ELOVL5: variants seen among roughly 807,000 people sequenced by gnomAD.
ELOVL5 encodes the protein ELOVL fatty acid elongase 5, also known as very long chain fatty acid elongase 5.
A neutral mutation model predicts 38.6 loss-of-function variants in ELOVL5; 8 were observed. The ratio of observed to expected loss-of-function variants is 0.21; its 90% CI spans 0.12 to 0.37. The LOEUF (loss-of-function observed/expected upper bound fraction) is 0.37. Among genes scored for constraint, ELOVL5 ranks in the 10% least tolerant of loss-of-function variants. The probability of loss-of-function intolerance (pLI) is 1.00; values close to 1 mark genes in which losing one functional copy is unlikely to be tolerated. For synonymous variants in ELOVL5, 127 were observed against 133.7 expected, an observed-to-expected ratio of 0.95 and a Z score of 0.34; for missense variants, 280 against 367.8, an observed-to-expected ratio of 0.76 and a Z score of 1.95.
rs145130782 is a variant in ELOVL5 at position 53,313,939 on chromosome 6, G to A, written c.-8-18232C>T. 1.7e-3 allele frequency among the ~76,000 whole-genome samples: 257 copies of A among 152,284 alleles called. 2 individuals carry two copies. The highest frequency in any genetic ancestry group is 5.9e-3 in the African/African-American group (247 of 41,566). On this transcript the variant is annotated intron_variant, in intron 1 of 7. Coordinates refer to ENST00000304434, the MANE Select transcript of ELOVL5 (RefSeq NM_021814.5). Reference sequence around the variant, plus strand: ...AGCAAAGAGCTGTTCAACCCCCACAGCTCTTCAGAGCACAGTGGATGTTTC... The same window carrying A: ...AGCAAAGAGCTGTTCAACCCCCACAACTCTTCAGAGCACAGTGGATGTTTC...
rs1346305636 is a variant in ELOVL5, at chr6:53,268,284, C to A, written c.*843G>T. 6.6e-6 allele frequency: 1 copy of A among 152,158 alleles called. No homozygotes were observed. Among genetic ancestry groups the A allele is most frequent in the East Asian group, 1.9e-4 (1 of 5,198 alleles). The allele number at this position is 152,158 out of a possible 1,614,324, so 9.4% of individuals were successfully genotyped here. On this transcript the variant is annotated 3_prime_UTR_variant, in exon 8 of 8. Transcript: ENST00000304434. The stretch of plus-strand genomic sequence containing the variant: ...CATCCTCTCTCGCACTGGTGGAAAG[C>A]AAAATTGACTTTTTGTTTGCTGTAT...
intron 1 of ELOVL5, among the ~76,000 whole-genome samples, chr6:53,312,266 T>G (rs980290198): frequency 1.3e-5 from 2 of 152,204 alleles, no homozygotes; most frequent in African/African-American, 4.8e-5. Context: ...CACAGCAGCT[T>G]TATTCTAGCT....
At chr6:53,342,354 A>T (rs1181566005) in intron 1 of ELOVL5, among the ~76,000 whole-genome samples, 1 of 152,224 alleles carries the variant, frequency 6.6e-6, no homozygotes, top group Non-Finnish European at 1.5e-5. Context: ...AGAAATTCAT[A>T]ACACTCACTT....
At chr6:53,274,811 C>A (rs185634629) in intron 5 of ELOVL5, among the ~76,000 whole-genome samples, 9 of 152,312 alleles carry the variant, frequency 5.9e-5, no homozygotes, top group Admixed American at 5.9e-4. Flanking sequence ...CCAGAAAGAA[C>A]CTGGAAAGTT....
chr6:53,313,949 G>A (rs1054265927), intron 1 of ELOVL5, among the ~76,000 whole-genome samples: 4 of 152,188 alleles, frequency 2.6e-5, no homozygotes. Context: ...GCTCTTCAGA[G>A]CACAGTGGAT....
At chr6:53,312,091 C>T (rs1181436370) in intron 1 of ELOVL5, among the ~76,000 whole-genome samples, 1 of 152,084 alleles carries the variant, frequency 6.6e-6, no homozygotes, top group African/African-American at 2.4e-5. Flanking sequence ...CTAGAAGTAA[C>T]CTTCTAGATG....
chr6:53,276,935 C>G (rs1379250858), intron 3 of ELOVL5: 1 of 151,308 alleles, frequency 6.6e-6, no homozygotes, highest in African/African-American at 2.4e-5. Flanking sequence ...CTCAGAATCA[C>G]TTGCAGCACA....
rs1330941311 is a variant in ELOVL5, at chr6:53,281,164, G to T, written c.247-4908C>A. Among the ~76,000 whole-genome samples, 3 of 152,144 alleles carry T rather than the reference G, an allele frequency of 2.0e-5. No individual in the cohort carries two copies. In the East Asian group the frequency reaches 5.8e-4, roughly 29 times the overall value. On this transcript the variant is annotated intron_variant, in intron 3 of 7. Coordinates refer to ENST00000304434, the MANE Select transcript of ELOVL5 (RefSeq NM_021814.5). ...TTTCCAAAGAAGACTGGCTGCTTCT[G>T]GTGATAAGAGCTTGATGAAGCTGCA...
chr6:53,287,591 T>C (rs564644265), intron 3 of ELOVL5, among the ~76,000 whole-genome samples: 5 of 152,188 alleles, frequency 3.3e-5, no homozygotes, highest in Non-Finnish European at 5.9e-5. Flanking sequence ...TGAGTCCTCT[T>C]CCTTAGTACG....
At chr6:53,328,489 T>C (rs1012403677) in intron 1 of ELOVL5, among the ~76,000 whole-genome samples, 16 of 152,026 alleles carry the variant, frequency 1.1e-4, no homozygotes, top group Admixed American at 3.3e-4. Context: ...GATCTGACAT[T>C]ATACACAAAA....
intron 1 of ELOVL5, among the ~76,000 whole-genome samples, chr6:53,305,157 AC>A (rs1254508916): frequency 5.9e-5 from 6 of 101,532 alleles, no homozygotes; most frequent in Admixed American, 1.2e-4. Flanking sequence ...CAGGGGGCTG[AC>A]CCCCCCACCT....
chr6:53,270,166 G>C (rs1227941992), intron 7 of ELOVL5, among the ~76,000 whole-genome samples: 3 of 152,196 alleles, frequency 2.0e-5, no homozygotes, highest in African/African-American at 7.2e-5. Context: ...CACACCTGAA[G>C]ACTGAATGTA....
intron 1 of ELOVL5, among the ~76,000 whole-genome samples, chr6:53,303,356 T>C (rs1024433172): frequency 6.6e-6 from 1 of 152,194 alleles, no homozygotes; most frequent in African/African-American, 2.4e-5. Context: ...GGCTCAAAAA[T>C]ATCTACCGCA....
At chr6:53,343,111 T>C (rs1769396021) in intron 1 of ELOVL5, among the ~76,000 whole-genome samples, 1 of 152,200 alleles carries the variant, frequency 6.6e-6, no homozygotes. Context: ...TCTCCAGCAG[T>C]GATGTTTTAA....
intron 1 of ELOVL5, among the ~76,000 whole-genome samples, chr6:53,340,825 T>A (rs1769292268): frequency 6.6e-6 from 1 of 152,220 alleles, no homozygotes; most frequent in South Asian, 2.1e-4. Flanking sequence ...TATACATGAC[T>A]TGTACGACTT....
rs78820054 is a variant in ELOVL5 at position 53,279,204 on chromosome 6, C to T, written c.247-2948G>A. Among the ~76,000 whole-genome samples the T allele has an allele frequency of 7.8e-3, 1,184 of 152,300 alleles. 20 individuals are homozygous for T. The highest frequency in any genetic ancestry group is 0.027 in the African/African-American group (1,120 of 41,548). Reference sequence around the variant, plus strand: ...CATGAAGTACATAATGCCTGTCTCACCCAATGTGGTTCATAGGATTAAACA... The same window carrying T: ...CATGAAGTACATAATGCCTGTCTCATCCAATGTGGTTCATAGGATTAAACA... On this transcript the variant is annotated intron_variant, in intron 3 of 7. Transcript: ENST00000304434.
At chr6:53,275,787 C>T (rs1249066984) in intron 4 of ELOVL5, among the ~76,000 whole-genome samples, 1 of 152,180 alleles carries the variant, frequency 6.6e-6, no homozygotes, top group Non-Finnish European at 1.5e-5. Flanking sequence ...CGACTGTTGG[C>T]CTGTGATTTA....
At chr6:53,321,362 A>G (rs895063829) in intron 1 of ELOVL5, among the ~76,000 whole-genome samples, 2 of 152,232 alleles carry the variant, frequency 1.3e-5, no homozygotes, top group Non-Finnish European at 2.9e-5. Flanking sequence ...ATTTTCATGA[A>G]CCTAATTTGA....
chr6:53,324,699 A>C (rs1768457633), intron 1 of ELOVL5, among the ~76,000 whole-genome samples: 1 of 147,634 alleles, frequency 6.8e-6, no homozygotes. Context: ...AAAGGAAAAG[A>C]AATAGAATCA....
Sources: allele counts gnomAD v4.1 joint callset (sites outside exome capture counted in the v4.1 genomes callset), GRCh38; gene constraint gnomAD v4.1.1; transcripts MANE v1.5; gene names NCBI Gene and HGNC (gene_info 2026-07-23, HGNC 2026-07-21).